The following HDAC8 variants were observed in gnomAD, a reference collection of about 807,000 sequenced individuals.
HDAC8 encodes the protein histone deacetylase-like 1.
A neutral mutation model predicts 32.2 loss-of-function variants in HDAC8; 1 was observed. The ratio of observed to expected loss-of-function variants is 0.03; its 90% CI spans 0.01 to 0.15. The LOEUF (loss-of-function observed/expected upper bound fraction) is 0.15, where lower values mean the gene tolerates loss of function less well. Ranked by LOEUF, HDAC8 falls within the 10% of genes least tolerant of loss-of-function variation. The pLI, the probability that HDAC8 is intolerant of heterozygous loss-of-function variation, is 1.00. For missense variants in HDAC8, 117 were observed against 300.0 expected, an observed-to-expected ratio of 0.39 and a Z score of 4.51; for synonymous variants, 108 against 113.9, an observed-to-expected ratio of 0.95 and a Z score of 0.33.
chrX:72,545,070 A>C (rs1256878607), intron 4 of HDAC8, among the ~76,000 whole-genome samples: 1 of 110,438 alleles, frequency 9.1e-6, no homozygotes, highest in Non-Finnish European at 1.9e-5. Flanking sequence ...GGATCCTAGC[A>C]GTGTGAGGGG....
rs782169351 is a variant in HDAC8, at chrX:72,356,872, C to A, written c.1006-5034G>T. Among the ~76,000 whole-genome samples, 3 of 111,708 alleles carry A rather than the reference C, an allele frequency of 2.7e-5. No individual in the cohort carries two copies. In the Admixed American group the frequency reaches 2.8e-4, roughly 11 times the overall value. On this transcript the variant is annotated intron_variant, in intron 9 of 10. Coordinates refer to ENST00000373573, the MANE Select transcript of HDAC8 (RefSeq NM_018486.3). ...GTGCTGGGATTAGAGGCACGAGCCA[C>A]CATGCCCAGCCTTCTGCAAGCTTTT...
chrX:72,384,465 C>T (rs2045361717), intron 9 of HDAC8, among the ~76,000 whole-genome samples: 1 of 111,456 alleles, frequency 9.0e-6, no homozygotes, highest in Non-Finnish European at 1.9e-5. Context: ...CCTTCTGTGC[C>T]TGGTTAACTT....
chrX:72,460,105 G>A, intron 9 of HDAC8, among the ~76,000 whole-genome samples: 1 of 111,800 alleles, frequency 8.9e-6, no homozygotes, highest in Non-Finnish European at 1.9e-5. Context: ...TAAGAAGTGA[G>A]CAGCATGCAA....
chrX:72,560,257 C>A (rs1265427471), intron 4 of HDAC8, among the ~76,000 whole-genome samples: 1 of 111,327 alleles, frequency 9.0e-6, no homozygotes, highest in Non-Finnish European at 1.9e-5. Flanking sequence ...AATCTATAAC[C>A]TTACCCCCAA....
At chrX:72,555,544 A>C (rs1440130479) in intron 4 of HDAC8, among the ~76,000 whole-genome samples, 2 of 112,231 alleles carry the variant, frequency 1.8e-5, no homozygotes, top group East Asian at 5.6e-4. Flanking sequence ...TGAAATGGAG[A>C]GCATAAATAA....
At chrX:72,377,963 A>T (rs2045134560) in intron 9 of HDAC8, among the ~76,000 whole-genome samples, 1 of 110,247 alleles carries the variant, frequency 9.1e-6, no homozygotes, top group Admixed American at 9.7e-5. Context: ...GTTAGTTTAC[A>T]TATATAAAAA....
intron 9 of HDAC8, among the ~76,000 whole-genome samples, chrX:72,371,469 T>C (rs1023293588): frequency 9.0e-5 from 10 of 111,621 alleles, no homozygotes; most frequent in African/African-American, 2.9e-4. Context: ...CAGGTGTATG[T>C]TGGAACATGA....
At chrX:72,379,890 G>A (rs1466484130) in intron 9 of HDAC8, among the ~76,000 whole-genome samples, 2 of 110,530 alleles carry the variant, frequency 1.8e-5, no homozygotes, top group Admixed American at 9.7e-5. Flanking sequence ...TAGGTTAGTC[G>A]TCAGCTAATG....
chrX:72,448,872 A>G (rs893704338), intron 9 of HDAC8, among the ~76,000 whole-genome samples: 5 of 112,565 alleles, frequency 4.4e-5, no homozygotes, highest in Non-Finnish European at 9.4e-5. Context: ...CAAAACCACA[A>G]TGAGGTACCA....
intron 9 of HDAC8, among the ~76,000 whole-genome samples, chrX:72,437,279 T>C (rs1379856140): frequency 1.8e-5 from 2 of 111,817 alleles, no homozygotes; most frequent in African/African-American, 6.5e-5. Context: ...CATGAGGGAC[T>C]GTGCCGTGAG....
chrX:72,367,084 G>T (rs2044723638), intron 9 of HDAC8, among the ~76,000 whole-genome samples: 1 of 111,958 alleles, frequency 8.9e-6, no homozygotes, highest in Non-Finnish European at 1.9e-5. Flanking sequence ...ATCTTGGAGG[G>T]GTATTTGCTC....
chrX:72,403,215 C>T (rs1043517710), intron 9 of HDAC8, among the ~76,000 whole-genome samples: 6 of 110,918 alleles, frequency 5.4e-5, no homozygotes, highest in Admixed American at 3.8e-4. Flanking sequence ...TGCCATATAC[C>T]TTTTTTGTTT....
chrX:72,524,120 T>G (rs1224232062), intron 4 of HDAC8, among the ~76,000 whole-genome samples: 1 of 112,610 alleles, frequency 8.9e-6, no homozygotes, highest in Non-Finnish European at 1.9e-5. Flanking sequence ...AGAAACTCTA[T>G]GGCCTGTGAA....
chrX:72,458,586 A>T (rs2047784671), intron 9 of HDAC8, among the ~76,000 whole-genome samples: 2 of 111,936 alleles, frequency 1.8e-5, no homozygotes, highest in Non-Finnish European at 1.9e-5. Flanking sequence ...TCTTAAAAAA[A>T]TAGAAGTTTC....
Position 72,568,728 on chromosome X carries a change from C to T in HDAC8, c.295+26G>A, listed in dbSNP as rs1189449118. ...TAAAAAAAATTAGTCTGTCCATCTCCCATCACTGCCTGGTAATGACTTTAC... is the reference window on the plus strand; with the variant it reads ...TAAAAAAAATTAGTCTGTCCATCTCTCATCACTGCCTGGTAATGACTTTAC... On this transcript the variant is annotated intron_variant, in intron 3 of 10. Coordinates refer to ENST00000373573, the MANE Select transcript of HDAC8 (RefSeq NM_018486.3). 3.3e-6 allele frequency: 4 copies of T among 1,207,068 alleles called. No homozygotes were observed. In the African/African-American group the frequency reaches 6.9e-5, roughly 21 times the overall value.
At chrX:72,569,970 G>A (rs1332538299) in intron 2 of HDAC8, among the ~76,000 whole-genome samples, 2 of 112,397 alleles carry the variant, frequency 1.8e-5, no homozygotes, top group African/African-American at 6.5e-5. Context: ...AAGGAGCCCT[G>A]ACCTGGGCCA....
At position 72,477,448 on chromosome X, in the gene HDAC8, T is replaced by C. The variant is rs989919321; in HGVS notation, c.737+11485A>G. The stretch of plus-strand genomic sequence containing the variant: ...TCACTTTTCAAGCTTAGGTGAACAA[T>C]AGTGATTTGTTAACAATAAACATGC... On this transcript the variant is annotated intron_variant, in intron 7 of 10. Transcript: ENST00000373573. Among the ~76,000 whole-genome samples, 5 of 112,108 alleles carry C rather than the reference T, an allele frequency of 4.5e-5. No individual in the cohort carries two copies. In the East Asian group the frequency reaches 1.4e-3, roughly 31 times the overall value.
chrX:72,447,907 A>G (rs2047458106), intron 9 of HDAC8, among the ~76,000 whole-genome samples: 1 of 111,909 alleles, frequency 8.9e-6, no homozygotes, highest in South Asian at 3.8e-4. Context: ...AAGGAGAACT[A>G]CAAACCACTG....
chrX:72,510,063 G>T lies in HDAC8; in HGVS notation c.438-14795C>A, dbSNP rs781786141. Among the ~76,000 whole-genome samples the T allele has an allele frequency of 1.3e-3, 142 of 111,662 alleles. 1 individual carries two copies. The highest frequency in any genetic ancestry group is 8.6e-4 in the Admixed American group (9 of 10,512). On this transcript the variant is annotated intron_variant, in intron 4 of 10. Coordinates refer to ENST00000373573, the MANE Select transcript of HDAC8 (RefSeq NM_018486.3). ...AAACTTTAATCATTTCAGCTTTTGGGTTATTTGCATTTGGGGTAAATGGGT... is the reference window on the plus strand; with the variant it reads ...AAACTTTAATCATTTCAGCTTTTGGTTTATTTGCATTTGGGGTAAATGGGT...
Sources: gnomAD v4.1 joint callset for allele counts (sites outside exome capture counted in the v4.1 genomes callset) on GRCh38, gnomAD v4.1.1 for gene constraint, MANE v1.5 for transcripts, NCBI Gene and HGNC (gene_info 2026-07-23, HGNC 2026-07-21) for gene names.